The following DLGAP2 variants were observed in gnomAD, a reference collection of about 807,000 sequenced individuals.
DLGAP2 encodes DLG associated protein 2, also known as disks large-associated protein 2.
DLGAP2 carries 26 observed loss-of-function variants against 100.3 expected under a neutral mutation model. The observed-to-expected ratio is 0.26, with a 90% CI of 0.19 to 0.36. The LOEUF (loss-of-function observed/expected upper bound fraction) is 0.36. Ranked by LOEUF, DLGAP2 falls within the 10% of genes least tolerant of loss-of-function variation. The pLI is 1.00. For missense variants in DLGAP2, 1,858 were observed against 1,453.2 expected (o/e 1.28, Z -4.53); for synonymous variants, 886 against 630.1 (o/e 1.41, Z -6.08).
chr8:1,243,769 C>G (rs1194482398), intron 2 of DLGAP2, among the ~76,000 whole-genome samples: 2 of 152,168 alleles, frequency 1.3e-5, no homozygotes, highest in African/African-American at 4.8e-5. Context: ...TGTCTCTTCT[C>G]TCAGGTGGGC....
chr8:1,002,578 A>C (rs1484007223), intron 2 of DLGAP2: 1 of 152,220 alleles, frequency 6.6e-6, no homozygotes, highest in African/African-American at 2.4e-5. Context: ...GGAGGTGTCA[A>C]GGCTGTGGTC....
chr8:1,074,219 A>C (rs1803529721), intron 2 of DLGAP2, among the ~76,000 whole-genome samples: 1 of 149,684 alleles, frequency 6.7e-6, no homozygotes. Context: ...GAACTCACCC[A>C]GGTACATATT....
chr8:1,562,348 T>A (rs1584929749), intron 5 of DLGAP2, among the ~76,000 whole-genome samples: 1 of 37,590 alleles, frequency 2.7e-5, no homozygotes, highest in African/African-American at 1.2e-4. Flanking sequence ...GACTGTGTGG[T>A]GTTGGGGTGT....
intron 2 of DLGAP2, among the ~76,000 whole-genome samples, chr8:955,220 C>CT (rs1222131681): frequency 4.6e-5 from 7 of 152,162 alleles, no homozygotes; most frequent in African/African-American, 1.7e-4. Flanking sequence ...GCGAGCCTGT[C>CT]TCAGAAACCA....
chr8:889,237 G>A (rs570454498), intron 1 of DLGAP2, among the ~76,000 whole-genome samples: 4 of 152,324 alleles, frequency 2.6e-5, no homozygotes, highest in South Asian at 4.1e-4. Context: ...GGATGTGTAC[G>A]TGCAGGTCAC....
At chr8:827,538 C>T (rs1347470645) in intron 1 of DLGAP2, among the ~76,000 whole-genome samples, 1 of 152,114 alleles carries the variant, frequency 6.6e-6, no homozygotes, top group Non-Finnish European at 1.5e-5. Flanking sequence ...ATTGCAATTG[C>T]AATCTTCATG....
intron 6 of DLGAP2, among the ~76,000 whole-genome samples, chr8:1,585,234 GGGC>G (rs1796080204): frequency 1.3e-5 from 2 of 152,154 alleles, no homozygotes; most frequent in East Asian, 1.9e-4. Context: ...AGGCGGAGGC[GGGC>G]AGATCACTTG....
chr8:1,333,815 G>A lies in DLGAP2; in HGVS notation c.106+74932G>A, dbSNP rs576495966. 8.5e-5 allele frequency among the ~76,000 whole-genome samples: 13 copies of A among 152,336 alleles called. No homozygotes were observed. The South Asian group carries it at 2.3e-3, about 27-fold the overall frequency. ...GACACAGGGTGGTCCATCTCCACCC[G>A]AACTTATCTAGCAGAGCAGGTGGAA... On this transcript the variant is annotated intron_variant, in intron 3 of 14. Coordinates refer to ENST00000637795, the MANE Select transcript of DLGAP2 (RefSeq NM_001346810.2).
chr8:1,308,546 A>T (rs1173208433), intron 3 of DLGAP2, among the ~76,000 whole-genome samples: 1 of 152,194 alleles, frequency 6.6e-6, no homozygotes, highest in Non-Finnish European at 1.5e-5. Context: ...TTGTTTTGAG[A>T]CGTAGTTTCA....
intron 3 of DLGAP2, among the ~76,000 whole-genome samples, chr8:1,488,309 G>A (rs1018563603): frequency 1.3e-5 from 2 of 152,134 alleles, no homozygotes; most frequent in Non-Finnish European, 2.9e-5. Flanking sequence ...GACGCAGCGG[G>A]GTGGCTCTTC....
At chr8:1,431,536 G>T (rs376756358) in intron 3 of DLGAP2, among the ~76,000 whole-genome samples, 1 of 152,330 alleles carries the variant, frequency 6.6e-6, no homozygotes, top group African/African-American at 2.4e-5. Flanking sequence ...CAGCTGCCTG[G>T]CGCTCAGCAG....
intron 2 of DLGAP2, among the ~76,000 whole-genome samples, chr8:1,227,639 GA>G (rs1287451946): frequency 1.3e-5 from 2 of 152,038 alleles, no homozygotes; most frequent in African/African-American, 4.8e-5. Flanking sequence ...GATGGACCTG[GA>G]GGCCGTTATG....
intron 2 of DLGAP2, among the ~76,000 whole-genome samples, chr8:1,051,481 A>C (rs2129032986): frequency 6.6e-6 from 1 of 152,366 alleles, no homozygotes; most frequent in African/African-American, 2.4e-5. Flanking sequence ...GTGAAGGCAC[A>C]GACTATATTG....
intron 2 of DLGAP2, among the ~76,000 whole-genome samples, chr8:999,709 G>T (rs751822970): frequency 1.3e-5 from 2 of 152,076 alleles, no homozygotes; most frequent in Non-Finnish European, 2.9e-5. Flanking sequence ...TCAATCTCTT[G>T]ACCTCGTGAT....
At chr8:1,191,630 G>T (rs1030115520) in intron 2 of DLGAP2, among the ~76,000 whole-genome samples, 2 of 150,256 alleles carry the variant, frequency 1.3e-5, no homozygotes, top group African/African-American at 4.8e-5. Context: ...ATCTGGGTCC[G>T]TTCTCTGTTG....
At chr8:1,691,461 GAT>G in intron 12 of DLGAP2, 72 bp from the exon 13 acceptor site, 11 of 1,281,740 alleles carry the variant, frequency 8.6e-6, no homozygotes, top group Non-Finnish European at 1.1e-5. Flanking sequence ...CCCTTGGTGT[GAT>G]GTTTCTGCTT....
At chr8:1,278,342 G>T (rs1799747795) in intron 3 of DLGAP2, among the ~76,000 whole-genome samples, 1 of 152,220 alleles carries the variant, frequency 6.6e-6, no homozygotes, top group Non-Finnish European at 1.5e-5. Flanking sequence ...AAGAGCCTCA[G>T]CTCTCTGGGG....
At chr8:1,464,818 G>A (rs1340855556) in intron 3 of DLGAP2, among the ~76,000 whole-genome samples, 2 of 152,220 alleles carry the variant, frequency 1.3e-5, no homozygotes, top group Non-Finnish European at 2.9e-5. Context: ...GATTGCAGCA[G>A]GATGATCATT....
chr8:1,585,836 C>T (rs759145604), intron 6 of DLGAP2, among the ~76,000 whole-genome samples: 4 of 152,184 alleles, frequency 2.6e-5, no homozygotes, highest in Non-Finnish European at 4.4e-5. Context: ...AGCTAACACA[C>T]GTAATTGTGT....
Sources: allele counts gnomAD v4.1 joint callset (sites outside exome capture counted in the v4.1 genomes callset), GRCh38; gene constraint gnomAD v4.1.1; transcripts MANE v1.5; gene names NCBI Gene and HGNC (gene_info 2026-07-23, HGNC 2026-07-21).